MACROD2: variants seen among roughly 807,000 people sequenced by gnomAD.
The protein encoded by MACROD2 is ADP-ribose glycohydrolase MACROD2.
MACROD2 carries 36 observed loss-of-function variants against 70.4 expected under a neutral mutation model. The ratio of observed to expected loss-of-function variants is 0.51; its 90% CI spans 0.39 to 0.68. The LOEUF (loss-of-function observed/expected upper bound fraction) is 0.68, where lower values mean the gene tolerates loss of function less well. Among genes scored for constraint, MACROD2 ranks in the 30% least tolerant of loss-of-function variants. The pLI is 0.00. For missense variants in MACROD2, 496 were observed against 538.4 expected (o/e 0.92, Z 0.78); for synonymous variants, 172 against 178.8 (o/e 0.96, Z 0.30).
intron 12 of MACROD2, 67 bp downstream of exon 12, chr20:15,937,611 A>G (rs2065685219): frequency 2.7e-6 from 4 of 1,458,154 alleles, no homozygotes; most frequent in Non-Finnish European, 3.8e-6. Context: ...GCTTGTTTAC[A>G]TGGAAAAATG....
intron 13 of MACROD2, among the ~76,000 whole-genome samples, chr20:15,981,304 G>A (rs1036344063): frequency 6.6e-6 from 1 of 152,172 alleles, no homozygotes; most frequent in East Asian, 1.9e-4. Flanking sequence ...ACTCCACCAT[G>A]TAACTGTTTT....
At chr20:14,481,252 A>G (rs887644808) in intron 3 of MACROD2, among the ~76,000 whole-genome samples, 1 of 152,140 alleles carries the variant, frequency 6.6e-6, no homozygotes, top group African/African-American at 2.4e-5. Context: ...TTGATAATTA[A>G]GAAATATATG....
At chr20:15,937,634 AAAT>A in intron 12 of MACROD2, 90 bp downstream of exon 12, 1 of 1,184,558 alleles carries the variant, frequency 8.4e-7, no homozygotes, top group Non-Finnish European at 1.2e-6. Flanking sequence ...GCAGCAAGTC[AAAT>A]ATAACTAGGT....
intron 5 of MACROD2, among the ~76,000 whole-genome samples, chr20:15,015,727 C>A (rs890787706): frequency 2.6e-5 from 4 of 152,196 alleles, no homozygotes; most frequent in Non-Finnish European, 5.9e-5. Context: ...GTTCACGAAA[C>A]AGGTCAGCCC....
chr20:15,856,493 C>T (rs2147154887), intron 8 of MACROD2, among the ~76,000 whole-genome samples: 1 of 152,280 alleles, frequency 6.6e-6, no homozygotes, highest in South Asian at 2.1e-4. Flanking sequence ...AAGGAAAGTC[C>T]TCCGAAATAT....
rs185575154 is a variant in MACROD2 at position 14,625,199 on chromosome 20, C to G, written c.302-59644C>G. 3.0e-4 allele frequency among the ~76,000 whole-genome samples: 45 copies of G among 151,926 alleles called. 1 individual carries two copies. Among genetic ancestry groups the G allele is most frequent in the Admixed American group, 2.6e-3 (40 of 15,262 alleles). On this transcript the variant is annotated intron_variant, in intron 4 of 17. Transcript: ENST00000684519. ...ATAATTAGCTAGGCATGGTGGCAGG[C>G]GCCTGTAATCCCAGCTACTCGAGAG... is the stretch of plus-strand genomic sequence containing the variant.
intron 8 of MACROD2, among the ~76,000 whole-genome samples, chr20:15,765,184 A>G (rs2051502890): frequency 6.6e-6 from 1 of 152,016 alleles, no homozygotes; most frequent in Admixed American, 6.6e-5. Flanking sequence ...CCTGCTATCC[A>G]TTGACAGCTG....
chr20:14,713,743 A>G (rs984905521), intron 5 of MACROD2, among the ~76,000 whole-genome samples: 1 of 152,334 alleles, frequency 6.6e-6, no homozygotes, highest in Admixed American at 6.5e-5. Context: ...GATAAAACAT[A>G]CACCTGTGAA....
rs140608918 is a variant in MACROD2 at position 14,530,660 on chromosome 20, C to T, written c.301+37152C>T. Among the ~76,000 whole-genome samples, 1,505 of 152,252 alleles carry T rather than the reference C, an allele frequency of 9.9e-3. 33 individuals are homozygous for T. Among genetic ancestry groups the T allele is most frequent in the African/African-American group, 0.034 (1,431 of 41,530 alleles). The stretch of plus-strand genomic sequence containing the variant: ...TTAAACTATTAGCTCTAATTGTTAG[C>T]GGAGTACATTTTAATGTTACAGAGT... On this transcript the variant is annotated intron_variant, in intron 4 of 17. Coordinates refer to ENST00000684519, the MANE Select transcript of MACROD2 (RefSeq NM_001351661.2).
At chr20:15,965,274 A>C (rs2066123452) in intron 12 of MACROD2, among the ~76,000 whole-genome samples, 1 of 152,214 alleles carries the variant, frequency 6.6e-6, no homozygotes, top group Non-Finnish European at 1.5e-5. Context: ...TTGAAATTAC[A>C]AAGATAACTT....
chr20:14,448,521 AC>A, intron 3 of MACROD2, among the ~76,000 whole-genome samples: 1 of 151,972 alleles, frequency 6.6e-6, no homozygotes, highest in Non-Finnish European at 1.5e-5. Flanking sequence ...TACCAAAAAT[AC>A]AAAAATTAGC....
At chr20:15,829,991 G>A (rs1222615074) in intron 8 of MACROD2, among the ~76,000 whole-genome samples, 1 of 152,192 alleles carries the variant, frequency 6.6e-6, no homozygotes, top group Non-Finnish European at 1.5e-5. Flanking sequence ...CAAAATGATG[G>A]CATGTTCCAG....
intron 8 of MACROD2, among the ~76,000 whole-genome samples, chr20:15,772,398 A>C (rs998962511): frequency 2.0e-5 from 3 of 151,984 alleles, no homozygotes; most frequent in African/African-American, 7.2e-5. Flanking sequence ...GAAATTTTCA[A>C]GGTCGTAGGG....
intron 5 of MACROD2, among the ~76,000 whole-genome samples, chr20:15,177,129 T>G (rs960114400): frequency 5.3e-5 from 8 of 152,082 alleles, no homozygotes; most frequent in African/African-American, 1.4e-4. Context: ...TGGCTCACCT[T>G]TGGTAGGTGT....
At chr20:14,143,444 A>C (rs1319372082) in intron 3 of MACROD2, among the ~76,000 whole-genome samples, 1 of 152,136 alleles carries the variant, frequency 6.6e-6, no homozygotes, top group Non-Finnish European at 1.5e-5. Flanking sequence ...GACCAGCAGG[A>C]TCCGTCAGTG....
chr20:15,801,493 A>T (rs2063726320), intron 8 of MACROD2, among the ~76,000 whole-genome samples: 1 of 151,542 alleles, frequency 6.6e-6, no homozygotes, highest in Non-Finnish European at 1.5e-5. Context: ...AAAAAAAAAA[A>T]AGAAAATCAG....
At chr20:15,187,551 C>T (rs527580551) in intron 5 of MACROD2, among the ~76,000 whole-genome samples, 3 of 152,222 alleles carry the variant, frequency 2.0e-5, no homozygotes, top group African/African-American at 7.2e-5. Flanking sequence ...TGGAACATCT[C>T]TCAATGATAA....
At chr20:14,962,852 C>G (rs6043020) in intron 5 of MACROD2, among the ~76,000 whole-genome samples, 2,414 of 152,032 alleles carry the variant, frequency 0.016, 61 homozygotes, top group African/African-American at 0.054. Flanking sequence ...GGTCCACATT[C>G]CCGTAAAATT....
rs374084464 is a variant in MACROD2, at chr20:14,920,732, C to T, written c.418+235773C>T. On this transcript the variant is annotated intron_variant, in intron 5 of 17. Coordinates refer to ENST00000684519, the MANE Select transcript of MACROD2 (RefSeq NM_001351661.2). ...TTATTTAATATTGCTACCATTTCTT[C>T]TAATCCTTGAATTTTCTCTGGAATA... 4.9e-4 allele frequency among the ~76,000 whole-genome samples: 74 copies of T among 152,186 alleles called. 1 individual carries two copies. In the East Asian group the frequency reaches 7.0e-3, roughly 14 times the overall value.
Sources: allele counts gnomAD v4.1 joint callset (sites outside exome capture counted in the v4.1 genomes callset), GRCh38; gene constraint gnomAD v4.1.1; transcripts MANE v1.5; gene names NCBI Gene and HGNC (gene_info 2026-07-23, HGNC 2026-07-21).